ZNF680: variants seen among roughly 807,000 people sequenced by gnomAD.
ZNF680 encodes hypothetical protein FLJ90430.
In ZNF680, 6 loss-of-function variants were observed where a neutral mutation model predicts 12.1. That is an observed-to-expected ratio of 0.49 (90% CI 0.27 to 0.98). The LOEUF (loss-of-function observed/expected upper bound fraction) is 0.98, where lower values mean the gene tolerates loss of function less well. Among genes scored for constraint, ZNF680 ranks in the 50% least tolerant of loss-of-function variants. The probability of loss-of-function intolerance (pLI) is 0.12; values close to 1 mark genes in which losing one functional copy is unlikely to be tolerated. For synonymous variants in ZNF680, 170 were observed against 199.3 expected (o/e 0.85, Z 1.24); for missense variants, 561 against 616.3 (o/e 0.91, Z 0.95).
At position 64,557,426 on chromosome 7, in the gene ZNF680, G is replaced by A. The variant is rs564898627; in HGVS notation, c.30+5499C>T. ...AAAAAGTAGCCACGTGTGTTGGCAC[G>A]CACCTGTAATCCCAGCTACTCAGGA... On this transcript the variant is annotated intron_variant, in intron 1 of 3. Coordinates refer to ENST00000309683, the MANE Select transcript of ZNF680 (RefSeq NM_178558.5). Among the ~76,000 whole-genome samples the A allele has an allele frequency of 1.9e-3, 282 of 148,622 alleles. 2 individuals are homozygous for A. Among genetic ancestry groups the A allele is most frequent in the African/African-American group, 6.4e-3 (258 of 40,144 alleles).
intron 3 of ZNF680, among the ~76,000 whole-genome samples, chr7:64,543,313 AT>A: frequency 6.6e-6 from 1 of 152,328 alleles, no homozygotes; most frequent in South Asian, 2.1e-4. Context: ...AACCAAAAAA[AT>A]GGAAAAGAAA....
intron 3 of ZNF680, among the ~76,000 whole-genome samples, chr7:64,534,446 T>C (rs1786050636): frequency 6.6e-6 from 1 of 152,098 alleles, no homozygotes; most frequent in Non-Finnish European, 1.5e-5. Context: ...GAAATGCATA[T>C]CAAAACCATA....
Position 64,521,818 on chromosome 7 carries a change from A to G in ZNF680, c.936T>C (p.His312=). 6.2e-7 allele frequency: 1 copy of G among 1,613,448 alleles called. No homozygotes were observed. Among genetic ancestry groups the G allele is most frequent in the Non-Finnish European group, 8.5e-7 (1 of 1,179,712 alleles). The part of the protein sequence containing the change: ...AFNWFATLTN[H]KRIHTGEKPF... ...GTTTCTCTCCAGTATGAATTCTCTT[A>G]TGGTTAGTAAGGGTTGCAAACCAGT... Residue 312 remains histidine, a synonymous_variant, in exon 4 of 4, where the codon CAT becomes CAC. Transcript: ENST00000309683.
At chr7:64,501,616 A>G in the ZNF680 span, 2 of 788,896 alleles carry the variant, frequency 2.5e-6, no homozygotes, top group African/African-American at 1.7e-5. Context: ...GATCTACTGG[A>G]TGATGATGAT....
At chr7:64,526,109 A>C in intron 3 of ZNF680, 14 of 922,428 alleles carry the variant, frequency 1.5e-5, no homozygotes, top group Non-Finnish European at 1.8e-5. Context: ...TAAAATTCCA[A>C]AAGAAAATTA....
intron 3 of ZNF680, among the ~76,000 whole-genome samples, chr7:64,534,856 G>A (rs1179453472): frequency 6.6e-6 from 1 of 152,202 alleles, no homozygotes; most frequent in Non-Finnish European, 1.5e-5. Flanking sequence ...GGCATTTGCA[G>A]TGACCTGGAT....
chr7:64,555,221 A>G (rs1397102076), intron 1 of ZNF680, among the ~76,000 whole-genome samples: 2 of 152,162 alleles, frequency 1.3e-5, no homozygotes, highest in African/African-American at 4.8e-5. Flanking sequence ...CATTCTTCTC[A>G]TTACCATGTG....
chr7:64,524,805 A>G (rs1791743141), intron 3 of ZNF680: 1 of 152,212 alleles, frequency 6.6e-6, no homozygotes, highest in Non-Finnish European at 1.5e-5. Flanking sequence ...AAATTATTTA[A>G]AACTAAATTT....
At chr7:64,543,540 A>G (rs779585881) in intron 3 of ZNF680, among the ~76,000 whole-genome samples, 167 bp downstream of exon 3, 7 of 152,208 alleles carry the variant, frequency 4.6e-5, no homozygotes, top group Non-Finnish European at 7.3e-5. Flanking sequence ...TTAAGAGCAT[A>G]AAGAAGATGC....
chr7:64,532,002 T>A (rs1444213770), intron 3 of ZNF680, among the ~76,000 whole-genome samples: 2 of 152,126 alleles, frequency 1.3e-5, no homozygotes, highest in African/African-American at 4.8e-5. Context: ...AACAAAAAGC[T>A]GTTTCTTTGA....
At chr7:64,534,470 T>C (rs979899269) in intron 3 of ZNF680, among the ~76,000 whole-genome samples, 7 of 152,226 alleles carry the variant, frequency 4.6e-5, no homozygotes, top group Non-Finnish European at 7.3e-5. Context: ...CAGTACCACC[T>C]TACTTTTGCA....
At chr7:64,501,582 G>T in the ZNF680 span, 1 of 760,204 alleles carries the variant, frequency 1.3e-6, no homozygotes, top group Non-Finnish European at 2.4e-6. Context: ...TGAGGGGGGC[G>T]CAGATGACTC....
intron 3 of ZNF680, chr7:64,525,945 T>C (rs967594537): frequency 6.1e-6 from 6 of 985,134 alleles, no homozygotes; most frequent in Non-Finnish European, 7.2e-6. Flanking sequence ...ATATTGGTAG[T>C]AGACATATGG....
intron 1 of ZNF680, among the ~76,000 whole-genome samples, chr7:64,559,641 T>A (rs1787620230): frequency 6.6e-6 from 1 of 151,834 alleles, no homozygotes; most frequent in African/African-American, 2.4e-5. Context: ...CTACCACATG[T>A]GGCTAATTTT....
At chr7:64,518,775 T>C (rs1430578163), downstream of ZNF680, among the ~76,000 whole-genome samples, 1 of 151,864 alleles carries the variant, frequency 6.6e-6, no homozygotes, top group East Asian at 1.9e-4. Flanking sequence ...AATGGAGGGA[T>C]GTTTAGCAAG....
the ZNF680 span, among the ~76,000 whole-genome samples, chr7:64,504,232 T>C: frequency 6.6e-6 from 1 of 152,220 alleles, no homozygotes; most frequent in Non-Finnish European, 1.5e-5. Context: ...ACTATTTCAA[T>C]GCCTTCTTCC....
chr7:64,530,879 AT>A (rs1262013637), intron 3 of ZNF680, among the ~76,000 whole-genome samples: 38 of 121,818 alleles, frequency 3.1e-4, no homozygotes, highest in African/African-American at 9.1e-4. Flanking sequence ...TTTAAAAATA[AT>A]AATAATAATA....
chr7:64,545,425 C>A (rs533880711), intron 1 of ZNF680, among the ~76,000 whole-genome samples: 101 of 151,986 alleles, frequency 6.6e-4, no homozygotes, highest in Non-Finnish European at 1.2e-3. Flanking sequence ...ACATCAGCTG[C>A]ATAAAGATAC....
At chr7:64,505,301 C>T in the ZNF680 span, among the ~76,000 whole-genome samples, 4 of 152,190 alleles carry the variant, frequency 2.6e-5, no homozygotes, top group African/African-American at 9.7e-5. Context: ...TAACTCCATG[C>T]ATTCTAGACA....
Sources: allele counts gnomAD v4.1 joint callset (sites outside exome capture counted in the v4.1 genomes callset), GRCh38; gene constraint gnomAD v4.1.1; transcripts MANE v1.5; gene names NCBI Gene and HGNC (gene_info 2026-07-23, HGNC 2026-07-21).